PPARGC1A: variants seen among roughly 807,000 people sequenced by gnomAD.
The protein encoded by PPARGC1A is peroxisome proliferator-activated receptor gamma coactivator 1-alpha.
In PPARGC1A, 25 loss-of-function variants were observed where a neutral mutation model predicts 88.7. The observed-to-expected ratio is 0.28, with a 90% confidence interval of 0.21 to 0.39. PPARGC1A has a LOEUF of 0.39. Among genes scored for constraint, PPARGC1A ranks in the 10% least tolerant of loss-of-function variants. The probability of loss-of-function intolerance (pLI) is 1.00; values close to 1 mark genes in which losing one functional copy is unlikely to be tolerated. For missense variants in PPARGC1A, 880 were observed against 968.7 expected (o/e 0.91, Z 1.22); for synonymous variants, 363 against 355.6 (o/e 1.02, Z -0.24).
chr4:24,219,027 A>G, the PPARGC1A span, among the ~76,000 whole-genome samples: 2,358 of 152,324 alleles, frequency 0.015, 27 homozygotes, highest in East Asian at 0.057. Context: ...CTTCAGATTA[A>G]AACAATTGTA....
At chr4:24,059,580 T>C in the PPARGC1A span, among the ~76,000 whole-genome samples, 1 of 152,204 alleles carries the variant, frequency 6.6e-6, no homozygotes, top group African/African-American at 2.4e-5. Context: ...TGCTTGACTC[T>C]CCACCCGTGC....
At chr4:24,169,649 C>G in the PPARGC1A span, among the ~76,000 whole-genome samples, 1 of 152,038 alleles carries the variant, frequency 6.6e-6, no homozygotes, top group Non-Finnish European at 1.5e-5. Flanking sequence ...GTGGGTGGAT[C>G]ACCTGAGATT....
At chr4:23,809,217 C>T (rs961930969) in intron 10 of PPARGC1A, among the ~76,000 whole-genome samples, 1 of 152,056 alleles carries the variant, frequency 6.6e-6, no homozygotes, top group Non-Finnish European at 1.5e-5. Context: ...TTGCATGTAT[C>T]CCTGCACTCA....
chr4:24,198,847 G>A, the PPARGC1A span, among the ~76,000 whole-genome samples: 3 of 152,214 alleles, frequency 2.0e-5, no homozygotes, highest in Non-Finnish European at 4.4e-5. Flanking sequence ...CCTACAGGCT[G>A]GTCCTGAAGA....
At chr4:24,443,028 C>T in the PPARGC1A span, among the ~76,000 whole-genome samples, 1 of 152,094 alleles carries the variant, frequency 6.6e-6, no homozygotes, top group East Asian at 1.9e-4. Context: ...TTCCTAGGAG[C>T]GCCATTTCCT....
At chr4:24,372,352 A>G in the PPARGC1A span, among the ~76,000 whole-genome samples, 1 of 152,098 alleles carries the variant, frequency 6.6e-6, no homozygotes, top group Non-Finnish European at 1.5e-5. Flanking sequence ...ACACCTAGAA[A>G]TTGTTGGCTA....
the PPARGC1A span, among the ~76,000 whole-genome samples, chr4:24,201,292 C>T: frequency 6.6e-6 from 1 of 152,204 alleles, no homozygotes; most frequent in African/African-American, 2.4e-5. Flanking sequence ...GAACCTTAAA[C>T]AGTCATGTTA....
chr4:24,095,115 C>CT, the PPARGC1A span, among the ~76,000 whole-genome samples: 49,759 of 122,292 alleles, frequency 0.41, 11,595 homozygotes, highest in African/African-American at 0.62. Flanking sequence ...GAAATAGGGT[C>CT]TTTTTTTTTT....
the PPARGC1A span, among the ~76,000 whole-genome samples, chr4:24,263,377 T>A: frequency 6.6e-6 from 1 of 152,130 alleles, no homozygotes; most frequent in Non-Finnish European, 1.5e-5. Context: ...TCAATAAATA[T>A]TCATCAAGTT....
At chr4:23,801,455 A>G (rs955837925) in intron 12 of PPARGC1A, among the ~76,000 whole-genome samples, 2 of 152,148 alleles carry the variant, frequency 1.3e-5, no homozygotes, top group Non-Finnish European at 2.9e-5. Context: ...AATCATGAAC[A>G]CATGTGGAAA....
At chr4:24,307,016 ACTT>A in the PPARGC1A span, among the ~76,000 whole-genome samples, 1 of 152,226 alleles carries the variant, frequency 6.6e-6, no homozygotes, top group African/African-American at 2.4e-5. Flanking sequence ...GAATTTTACT[ACTT>A]TTTTGTCTTA....
the PPARGC1A span, among the ~76,000 whole-genome samples, chr4:24,031,272 C>A: frequency 6.6e-6 from 1 of 152,134 alleles, no homozygotes; most frequent in Non-Finnish European, 1.5e-5. Context: ...CAAACAGAAC[C>A]ATTTGCATTC....
chr4:23,925,850 G>T, the PPARGC1A span, among the ~76,000 whole-genome samples: 1 of 144,572 alleles, frequency 6.9e-6, no homozygotes, highest in East Asian at 2.0e-4. Flanking sequence ...GAGAGAGAGA[G>T]AAAAAAATTT....
the PPARGC1A span, among the ~76,000 whole-genome samples, chr4:24,266,205 C>T: frequency 6.6e-6 from 1 of 152,118 alleles, no homozygotes; most frequent in Non-Finnish European, 1.5e-5. Context: ...TGGCTTGTGG[C>T]CTGGCTGGGA....
At chr4:24,387,884 A>AAGAAAG in the PPARGC1A span, among the ~76,000 whole-genome samples, 2 of 124,390 alleles carry the variant, frequency 1.6e-5, no homozygotes, top group African/African-American at 6.7e-5. Flanking sequence ...AAGAGAAAGA[A>AAGAAAG]AGAAAGAAAG....
the PPARGC1A span, among the ~76,000 whole-genome samples, chr4:24,383,998 T>C: frequency 2.6e-5 from 4 of 152,068 alleles, no homozygotes; most frequent in Non-Finnish European, 5.9e-5. Flanking sequence ...TACCCACAAA[T>C]AGAAGCCCAT....
chr4:24,129,751 G>A, the PPARGC1A span, among the ~76,000 whole-genome samples: 18 of 152,182 alleles, frequency 1.2e-4, no homozygotes, highest in African/African-American at 4.3e-4. Flanking sequence ...CAACCCAAAT[G>A]TCCATCAATG....
chr4:24,065,169 G>A, the PPARGC1A span, among the ~76,000 whole-genome samples: 2 of 152,238 alleles, frequency 1.3e-5, no homozygotes, highest in South Asian at 4.1e-4. Context: ...TTTGGAAGAA[G>A]AGACCCAATC....
the PPARGC1A span, among the ~76,000 whole-genome samples, chr4:24,309,971 T>C: frequency 6.6e-6 from 1 of 152,164 alleles, no homozygotes; most frequent in South Asian, 2.1e-4. Context: ...ATGGGTCAAA[T>C]AGCGAAAATT....
Sources: allele counts gnomAD v4.1 joint callset (sites outside exome capture counted in the v4.1 genomes callset), GRCh38; gene constraint gnomAD v4.1.1; transcripts MANE v1.5; gene names NCBI Gene and HGNC (gene_info 2026-07-23, HGNC 2026-07-21).